ATF6: variants seen among roughly 807,000 people sequenced by gnomAD.
ATF6 encodes the protein activating transcription factor 6, also known as cyclic AMP-dependent transcription factor ATF-6 alpha.
Under a neutral mutation model 83.6 loss-of-function variants are expected in ATF6, and 53 were observed. That is an observed-to-expected ratio of 0.63 (90% CI 0.51 to 0.80). The LOEUF (loss-of-function observed/expected upper bound fraction) is 0.80. ATF6 is among the 30% of genes least tolerant of loss of function. ATF6 has a pLI of 0.00. For missense variants in ATF6, 744 were observed against 797.9 expected (o/e 0.93, Z 0.81); for synonymous variants, 288 against 285.8 (o/e 1.01, Z -0.08).
At chr1:161,774,544 C>A (rs991861329) in intron 1 of ATF6, among the ~76,000 whole-genome samples, 1 of 152,060 alleles carries the variant, frequency 6.6e-6, no homozygotes, top group Non-Finnish European at 1.5e-5. Context: ...TACACAGACT[C>A]CTCAGTTGTT....
intron 12 of ATF6, among the ~76,000 whole-genome samples, chr1:161,854,927 C>CAGCAAATG (rs1686725363): frequency 6.6e-6 from 1 of 151,378 alleles, no homozygotes. Flanking sequence ...ACAGAGGGAA[C>CAGCAAATG]AGCAAATGTA....
chr1:161,923,573 A>G (rs556667939), intron 15 of ATF6, among the ~76,000 whole-genome samples: 4 of 152,324 alleles, frequency 2.6e-5, no homozygotes, highest in African/African-American at 4.8e-5. Flanking sequence ...CTGCCTTTAT[A>G]TACTTGGAAT....
intron 15 of ATF6, among the ~76,000 whole-genome samples, chr1:161,956,238 G>A (rs1202168284): frequency 6.6e-6 from 1 of 152,106 alleles, no homozygotes; most frequent in Admixed American, 6.5e-5. Flanking sequence ...TGTATTGCAT[G>A]TCTCTGATAC....
At chr1:161,831,666 A>G in intron 9 of ATF6, among the ~76,000 whole-genome samples, 1 of 152,040 alleles carries the variant, frequency 6.6e-6, no homozygotes, top group Non-Finnish European at 1.5e-5. Context: ...GAATCTGGAA[A>G]CCATCATTCT....
At chr1:161,893,246 A>G (rs1478542531) in intron 14 of ATF6, among the ~76,000 whole-genome samples, 2 of 151,642 alleles carry the variant, frequency 1.3e-5, no homozygotes, top group African/African-American at 2.4e-5. Context: ...GACTCACTGC[A>G]GCCTCCACCT....
chr1:161,927,394 C>T (rs1688340447), intron 15 of ATF6, among the ~76,000 whole-genome samples: 2 of 152,158 alleles, frequency 1.3e-5, no homozygotes, highest in Admixed American at 6.5e-5. Context: ...GTCTCAAACT[C>T]CTGGGCTCAA....
intron 15 of ATF6, among the ~76,000 whole-genome samples, chr1:161,923,312 T>C (rs1386424041): frequency 2.0e-5 from 3 of 152,090 alleles, no homozygotes; most frequent in Non-Finnish European, 4.4e-5. Flanking sequence ...ATACTTAGAG[T>C]TGGGAAATTT....
At chr1:161,819,449 T>C (rs1005241972) in intron 7 of ATF6, among the ~76,000 whole-genome samples, 184 bp from the exon 8 acceptor site, 1 of 152,252 alleles carries the variant, frequency 6.6e-6, no homozygotes, top group Admixed American at 6.5e-5. Flanking sequence ...GAAGGCCTTA[T>C]TTAATCATTT....
intron 14 of ATF6, among the ~76,000 whole-genome samples, chr1:161,910,023 A>C (rs911787971): frequency 4.6e-5 from 7 of 152,204 alleles, no homozygotes; most frequent in Admixed American, 1.3e-4. Flanking sequence ...TTTGTTTCTG[A>C]AAATGTGACT....
In ATF6 at chr1:161,860,201, T is replaced by C; in HGVS notation, c.1534-6T>C. On this transcript the variant is annotated splice_polypyrimidine_tract_variant and splice_region_variant and intron_variant, in intron 12 of 15. Coordinates refer to ENST00000367942, the MANE Select transcript of ATF6 (RefSeq NM_007348.4). Reference sequence around the variant, plus strand: ...TATTAAACTTTTTTTTTTTTTAATATTCCAGGGTGCTCTGGAACAGGGCTC... The same window carrying C: ...TATTAAACTTTTTTTTTTTTTAATACTCCAGGGTGCTCTGGAACAGGGCTC... The C allele has an allele frequency of 6.3e-7, 1 of 1,575,756 alleles. No homozygotes were observed. Among genetic ancestry groups the C allele is most frequent in the Non-Finnish European group, 8.6e-7 (1 of 1,161,942 alleles).
At chr1:161,912,194 A>G in intron 14 of ATF6, 102 bp from the exon 15 acceptor site, 2 of 621,382 alleles carry the variant, frequency 3.2e-6, no homozygotes, top group Non-Finnish European at 5.3e-6. Flanking sequence ...ATAATTTTTC[A>G]TCATCCCAAC....
chr1:161,942,974 G>C (rs2101911465), intron 15 of ATF6, among the ~76,000 whole-genome samples: 1 of 152,346 alleles, frequency 6.6e-6, no homozygotes, highest in East Asian at 1.9e-4. Flanking sequence ...TCCTGCCTCA[G>C]CCTCCCAAGT....
chr1:161,903,426 T>C (rs1284301391), intron 14 of ATF6, among the ~76,000 whole-genome samples: 1 of 152,168 alleles, frequency 6.6e-6, no homozygotes, highest in Non-Finnish European at 1.5e-5. Context: ...GGCTAAAGAG[T>C]TTGGATTGGT....
At chr1:161,848,831 C>G (rs1336321695) in intron 10 of ATF6, among the ~76,000 whole-genome samples, 2 of 152,030 alleles carry the variant, frequency 1.3e-5, no homozygotes, top group African/African-American at 2.4e-5. Context: ...CTGACTGTTC[C>G]TGGGCTAATG....
intron 6 of ATF6, among the ~76,000 whole-genome samples, chr1:161,798,446 T>C (rs1454375430): frequency 1.3e-5 from 2 of 152,152 alleles, no homozygotes; most frequent in African/African-American, 2.4e-5. Context: ...ACCCCATCTC[T>C]ACTAAAAATA....
chr1:161,825,764 T>G (rs1431392315), intron 9 of ATF6, among the ~76,000 whole-genome samples: 1 of 152,104 alleles, frequency 6.6e-6, no homozygotes, highest in Non-Finnish European at 1.5e-5. Context: ...ATTAGGTAGG[T>G]GTGATTGATT....
intron 15 of ATF6, among the ~76,000 whole-genome samples, chr1:161,919,292 T>C (rs968544137): frequency 6.6e-6 from 1 of 152,176 alleles, no homozygotes; most frequent in African/African-American, 2.4e-5. Context: ...AAAAAAGGAT[T>C]GCATGGTTGG....
intron 15 of ATF6, among the ~76,000 whole-genome samples, chr1:161,914,763 T>TA (rs1193216534): frequency 6.6e-6 from 1 of 152,172 alleles, no homozygotes; most frequent in Non-Finnish European, 1.5e-5. Flanking sequence ...CATTCCTCCT[T>TA]ACCCAGCTTA....
intron 14 of ATF6, among the ~76,000 whole-genome samples, chr1:161,910,421 A>G (rs1470043752): frequency 6.6e-6 from 1 of 152,196 alleles, no homozygotes; most frequent in African/African-American, 2.4e-5. Context: ...TTCATAAATC[A>G]TACCTAGTTT....
Sources: allele counts gnomAD v4.1 joint callset (sites outside exome capture counted in the v4.1 genomes callset), GRCh38; gene constraint gnomAD v4.1.1; transcripts MANE v1.5; gene names NCBI Gene and HGNC (gene_info 2026-07-23, HGNC 2026-07-21).